Variants in ULK4 observed in about 807,000 individuals in gnomAD.
ULK4 encodes unc-51 like kinase 4.
In ULK4, 133 loss-of-function variants were observed where a neutral mutation model predicts 160.6. The ratio of observed to expected loss-of-function variants is 0.83; its 90% CI spans 0.72 to 0.96. The LOEUF is 0.96. Ranked by LOEUF, ULK4 falls within the 40% of genes least tolerant of loss-of-function variation. The pLI is 0.00. For missense variants in ULK4, 1,580 were observed against 1,499.5 expected (o/e 1.05, Z -0.89); for synonymous variants, 534 against 539.8 (o/e 0.99, Z 0.15).
intron 22 of ULK4, among the ~76,000 whole-genome samples, chr3:41,733,613 TAA>T (rs1431246989): frequency 6.6e-6 from 1 of 152,016 alleles, no homozygotes; most frequent in Non-Finnish European, 1.5e-5. Flanking sequence ...CAAATTCATT[TAA>T]AAGTTTATAT....
intron 17 of ULK4, among the ~76,000 whole-genome samples, chr3:41,847,351 G>C (rs1358975958): frequency 1.3e-5 from 2 of 152,188 alleles, no homozygotes; most frequent in African/African-American, 4.8e-5. Context: ...AAATATAGTT[G>C]TTAAACTTCC....
rs145592978 is a variant in ULK4 at position 41,566,068 on chromosome 3, T to A, written c.3183A>T (p.Leu1061=). Residue 1061 remains leucine, a synonymous_variant, in exon 32 of 37, where the codon CTA becomes CTT. Coordinates refer to ENST00000301831, the MANE Select transcript of ULK4 (RefSeq NM_017886.4). The stretch of plus-strand genomic sequence containing the variant: ...CCATATTCGAATCTTTGCAGGCAAC[T>A]AGATTGCTGAGTAATGCAATCACAC... The part of the protein sequence containing the change: ...MQSVIALLSN[L]VACKDSNMEL... The A allele has an allele frequency of 6.2e-7, 1 of 1,613,772 alleles. No individual in the cohort carries two copies. The highest frequency in any genetic ancestry group is 8.5e-7 in the Non-Finnish European group (1 of 1,179,948).
Position 41,856,560 on chromosome 3 carries a change from T to C in ULK4, c.1657-20589A>G, listed in dbSNP as rs866206029. ...ATGTATATATATATGTGTATATATA[T>C]ACACATATATATATGTGTATATATA... On this transcript the variant is annotated intron_variant, in intron 17 of 36. Coordinates refer to ENST00000301831, the MANE Select transcript of ULK4 (RefSeq NM_017886.4). Among the ~76,000 whole-genome samples, 12 of 57,980 alleles carry C rather than the reference T, an allele frequency of 2.1e-4. No homozygotes were observed. The East Asian group carries it at 6.4e-3, about 31-fold the overall frequency. 38.0% of individuals were successfully genotyped at this position (57,980 alleles called of 152,430 possible). A position where few individuals can be genotyped will look rare whatever the true frequency, so the allele number is the denominator to read the frequency against.
intron 20 of ULK4, among the ~76,000 whole-genome samples, chr3:41,792,589 G>A (rs1479173352): frequency 6.6e-6 from 1 of 152,144 alleles, no homozygotes; most frequent in Non-Finnish European, 1.5e-5. Context: ...ATCCAGTTAT[G>A]ATGGGGAAAT....
At chr3:41,280,601 G>A (rs992888889) in intron 35 of ULK4, among the ~76,000 whole-genome samples, 2 of 152,088 alleles carry the variant, frequency 1.3e-5, no homozygotes, top group Non-Finnish European at 2.9e-5. Context: ...AGATGTTCTT[G>A]GAAACCAATG....
At chr3:41,464,453 A>AATTTCCTT (rs2083774707) in intron 32 of ULK4, among the ~76,000 whole-genome samples, 1 of 152,138 alleles carries the variant, frequency 6.6e-6, no homozygotes, top group Non-Finnish European at 1.5e-5. Flanking sequence ...TTGAAAGTAG[A>AATTTCCTT]ATGAATTACC....
At chr3:41,464,007 A>AT (rs2083761261) in intron 32 of ULK4, among the ~76,000 whole-genome samples, 1 of 28,026 alleles carries the variant, frequency 3.6e-5, no homozygotes, top group South Asian at 1.4e-3. Flanking sequence ...CAGATGTTCT[A>AT]AAAAAAAAAA....
intron 21 of ULK4, among the ~76,000 whole-genome samples, chr3:41,772,669 G>A (rs1283190063): frequency 6.6e-6 from 1 of 152,132 alleles, no homozygotes; most frequent in Non-Finnish European, 1.5e-5. Context: ...CATTCCTTCT[G>A]AAACTATTCC....
At chr3:41,778,204 G>GC (rs1480167074) in intron 21 of ULK4, among the ~76,000 whole-genome samples, 1 of 96,652 alleles carries the variant, frequency 1.0e-5, no homozygotes, top group African/African-American at 6.4e-5. Flanking sequence ...CAAACAGAGA[G>GC]CCAAATCATG....
chr3:41,452,865 G>A (rs1225751160), intron 34 of ULK4, among the ~76,000 whole-genome samples: 1 of 152,076 alleles, frequency 6.6e-6, no homozygotes, highest in African/African-American at 2.4e-5. Context: ...AAAACAGAAT[G>A]GCTTTTGAAT....
At position 41,935,781 on chromosome 3, in the gene ULK4, CA is replaced by C; in HGVS notation, c.378+19del. On this transcript the variant is annotated intron_variant, in intron 4 of 36. Transcript: ENST00000301831. ...TTTGAGACAGAAGCAGTTAGAAAATCAAAAACTTTCATGAATTACCTTCCTA... is the reference window on the plus strand; with the variant it reads ...TTTGAGACAGAAGCAGTTAGAAAATCAAAACTTTCATGAATTACCTTCCTA... 1.3e-6 allele frequency: 2 copies of C among 1,589,278 alleles called. No homozygotes were observed. Among genetic ancestry groups the C allele is most frequent in the Non-Finnish European group, 1.7e-6 (2 of 1,170,716 alleles).
chr3:41,400,631 A>C (rs2082159492), intron 34 of ULK4, among the ~76,000 whole-genome samples: 1 of 152,178 alleles, frequency 6.6e-6, no homozygotes, highest in East Asian at 1.9e-4. Context: ...AACTACTGTG[A>C]ACATTTACAC....
chr3:41,827,827 C>A (rs997776147), intron 18 of ULK4, among the ~76,000 whole-genome samples: 2 of 151,970 alleles, frequency 1.3e-5, no homozygotes, highest in African/African-American at 4.8e-5. Context: ...GATACCAAAG[C>A]CTGGCAGAGA....
At chr3:41,319,154 A>G (rs999036192) in intron 35 of ULK4, among the ~76,000 whole-genome samples, 3 of 152,214 alleles carry the variant, frequency 2.0e-5, no homozygotes, top group Non-Finnish European at 4.4e-5. Context: ...GGCAGTGCAG[A>G]GGCTATGGCA....
rs1212755402 is a variant in ULK4 at position 41,306,325 on chromosome 3, C to T, written c.3679-56751G>A. ...GTGAGGAGCCCCTCTGCCCCGCCAG[C>T]CGCCCCATCCGGGAGGGAGGTGGGG... On this transcript the variant is annotated intron_variant, in intron 35 of 36. Coordinates refer to ENST00000301831, the MANE Select transcript of ULK4 (RefSeq NM_017886.4). Among the ~76,000 whole-genome samples, 139 of 129,150 alleles carry T rather than the reference C, an allele frequency of 1.1e-3. 5 individuals are homozygous for T. Among genetic ancestry groups the T allele is most frequent in the African/African-American group, 4.9e-3 (125 of 25,304 alleles). 84.7% of individuals were successfully genotyped at this position (129,150 alleles called of 152,430 possible). A position where few individuals can be genotyped will look rare whatever the true frequency, so the allele number is the denominator to read the frequency against.
chr3:41,896,913 C>G lies in ULK4; in HGVS notation c.1439G>C (p.Gly480Ala). The change falls in exon 15 of 37, where the codon GGG becomes GCG. Residue 480 changes from glycine (G) to alanine (A), a missense_variant. Physicochemically the swap from Gly to Ala is moderately conservative, Grantham distance 60. Transcript: ENST00000301831. ...GAGATTCAGCTTGGCTCGGGAGGCC[C>G]CCATGCTCTTCTCAGTGGAGTCGAT... ...SQIDSTEKSM[G>A]ASRAKLNLLC... 1 of 1,613,474 alleles carries G rather than the reference C, an allele frequency of 6.2e-7. No individual in the cohort carries two copies. The highest frequency in any genetic ancestry group is 8.5e-7 in the Non-Finnish European group (1 of 1,179,870).
chr3:41,317,220 C>T (rs1239726225), intron 35 of ULK4, among the ~76,000 whole-genome samples: 2 of 151,518 alleles, frequency 1.3e-5, no homozygotes, highest in African/African-American at 4.8e-5. Flanking sequence ...GGACTACAGG[C>T]GCCCGCCACG....
intron 35 of ULK4, among the ~76,000 whole-genome samples, chr3:41,321,053 T>C (rs1359592195): frequency 6.6e-6 from 1 of 152,150 alleles, no homozygotes; most frequent in Non-Finnish European, 1.5e-5. Context: ...GGATCTTAAT[T>C]GCCAGGCCTC....
At chr3:41,865,672 A>G (rs1559617494) in intron 17 of ULK4, among the ~76,000 whole-genome samples, 1 of 152,148 alleles carries the variant, frequency 6.6e-6, no homozygotes, top group Non-Finnish European at 1.5e-5. Flanking sequence ...GGGCCTACCC[A>G]ATTACTTGGC....
Sources: gnomAD v4.1 joint callset for allele counts (sites outside exome capture counted in the v4.1 genomes callset) on GRCh38, gnomAD v4.1.1 for gene constraint, MANE v1.5 for transcripts, NCBI Gene and HGNC (gene_info 2026-07-23, HGNC 2026-07-21) for gene names.